Variants in BMP6 observed in about 807,000 individuals in gnomAD.
BMP6 encodes VG-1-R.
Under a neutral mutation model 54.1 loss-of-function variants are expected in BMP6, and 17 were observed. The ratio of observed to expected loss-of-function variants is 0.31; its 90% CI spans 0.22 to 0.47. The LOEUF is 0.47. Among genes scored for constraint, BMP6 ranks in the 20% least tolerant of loss-of-function variants. The pLI, the probability that BMP6 is intolerant of heterozygous loss-of-function variation, is 1.00. For synonymous variants in BMP6, 328 were observed against 291.2 expected, an observed-to-expected ratio of 1.13 and a Z score of -1.28; for missense variants, 720 against 690.4, an observed-to-expected ratio of 1.04 and a Z score of -0.48.
intron 1 of BMP6, among the ~76,000 whole-genome samples, chr6:7,778,724 G>C (rs1757897440): frequency 6.6e-6 from 1 of 152,216 alleles, no homozygotes; most frequent in Admixed American, 6.5e-5. Flanking sequence ...GAGTCTGTAT[G>C]AAGTGACTTC....
chr6:7,759,194 A>ATG (rs1383109379), intron 1 of BMP6, among the ~76,000 whole-genome samples: 1,569 of 152,224 alleles, frequency 0.01, 21 homozygotes, highest in African/African-American at 0.036. Context: ...CCTCATTACC[A>ATG]TATATGTATG....
intron 1 of BMP6, among the ~76,000 whole-genome samples, chr6:7,735,151 C>A (rs760052096): frequency 5.9e-5 from 9 of 152,254 alleles, no homozygotes; most frequent in African/African-American, 2.2e-4. Context: ...CCACCCTGAC[C>A]TCCGATATCC....
Position 7,732,288 on chromosome 6 carries a change from A to G in BMP6, c.664+4669A>G, listed in dbSNP as rs529119869. On this transcript the variant is annotated intron_variant, in intron 1 of 6. Transcript: ENST00000283147. ...AGAAGCAGTAGATGTTCTTCTAAAG[A>G]GATTACAAAGAGTAAATTTGAAATT... is the stretch of plus-strand genomic sequence containing the variant. 2.6e-5 allele frequency among the ~76,000 whole-genome samples: 4 copies of G among 152,346 alleles called. No individual in the cohort carries two copies. The East Asian group carries it at 5.8e-4, about 22-fold the overall frequency.
chr6:7,846,224 G>A (rs1239731398), intron 2 of BMP6, among the ~76,000 whole-genome samples: 3 of 152,144 alleles, frequency 2.0e-5, no homozygotes, highest in African/African-American at 7.2e-5. Flanking sequence ...AACATATGGG[G>A]GAGGGAACTC....
chr6:7,870,497 T>C (rs778241465), intron 4 of BMP6, among the ~76,000 whole-genome samples: 11 of 152,210 alleles, frequency 7.2e-5, no homozygotes, highest in Non-Finnish European at 1.3e-4. Flanking sequence ...TCTGCCCAAC[T>C]CTGTTCTCCT....
chr6:7,774,490 T>TG (rs1328058423), intron 1 of BMP6, among the ~76,000 whole-genome samples: 1 of 152,218 alleles, frequency 6.6e-6, no homozygotes, highest in East Asian at 1.9e-4. Context: ...AGGCAGAGGT[T>TG]GCAGTGAGCC....
At position 7,803,063 on chromosome 6, in the gene BMP6, G is replaced by A. The variant is rs115343636; in HGVS notation, c.665-42077G>A. 8.4e-3 allele frequency among the ~76,000 whole-genome samples: 1,286 copies of A among 152,272 alleles called. 30 individuals carry two copies. Among genetic ancestry groups the A allele is most frequent in the African/African-American group, 0.029 (1,218 of 41,550 alleles). On this transcript the variant is annotated intron_variant, in intron 1 of 6. Transcript: ENST00000283147. ...AAGAAAAACACTTGAAGTTGTGATG[G>A]GTGCTAGGAAGGAAGCCTGCAGAGG... is the stretch of plus-strand genomic sequence containing the variant.
At chr6:7,807,804 C>A (rs1437092504) in intron 1 of BMP6, among the ~76,000 whole-genome samples, 2 of 152,114 alleles carry the variant, frequency 1.3e-5, no homozygotes, top group African/African-American at 4.8e-5. Context: ...CCTTCCATTA[C>A]ACTTCAGGTA....
In BMP6 at chr6:7,727,193, CAGA is replaced by C. The variant is rs1561750230; in HGVS notation, c.241_243del (p.Lys81del). 2.5e-6 allele frequency: 4 copies of C among 1,603,578 alleles called. No individual in the cohort carries two copies. In the South Asian group the frequency reaches 3.3e-5, roughly 13 times the overall value. ...CAAGACGCAGGAGAAGCGGGAGATG[CAGA>C]AGGAGATCTTGTCGGTGCTGGGGCT... On this transcript the variant is annotated inframe_deletion, in exon 1 of 7. Coordinates refer to ENST00000283147, the MANE Select transcript of BMP6 (RefSeq NM_001718.6).
chr6:7,841,571 C>T (rs1018435180), intron 1 of BMP6, among the ~76,000 whole-genome samples: 8 of 152,042 alleles, frequency 5.3e-5, no homozygotes, highest in East Asian at 1.9e-4. Context: ...GTGGGGGGAA[C>T]GGAGGAGTTC....
chr6:7,763,324 T>C (rs1420065799), intron 1 of BMP6, among the ~76,000 whole-genome samples: 1 of 152,130 alleles, frequency 6.6e-6, no homozygotes, highest in Non-Finnish European at 1.5e-5. Context: ...AAAGTCATGG[T>C]AAAATTCTGT....
At chr6:7,730,502 A>C (rs1429291110) in intron 1 of BMP6, among the ~76,000 whole-genome samples, 1 of 152,142 alleles carries the variant, frequency 6.6e-6, no homozygotes, top group Non-Finnish European at 1.5e-5. Flanking sequence ...CTCTATACTG[A>C]TAGTGTGAAG....
At position 7,790,296 on chromosome 6, in the gene BMP6, C is replaced by G. The variant is rs539066347; in HGVS notation, c.665-54844C>G. On this transcript the variant is annotated intron_variant, in intron 1 of 6. Transcript: ENST00000283147. The stretch of plus-strand genomic sequence containing the variant: ...TTGGGATGCGGAAGCAGGCGGATCT[C>G]TTTAGTCCGGGAGTTTGAGACCAGC... 3.0e-3 allele frequency among the ~76,000 whole-genome samples: 458 copies of G among 152,200 alleles called. 4 individuals are homozygous for G. The highest frequency in any genetic ancestry group is 0.01 in the African/African-American group (422 of 41,498).
intron 1 of BMP6, among the ~76,000 whole-genome samples, chr6:7,763,342 C>G (rs896687537): frequency 6.6e-6 from 1 of 152,144 alleles, no homozygotes; most frequent in Non-Finnish European, 1.5e-5. Context: ...TGTGTTCTTA[C>G]AGAATGATGA....
At chr6:7,857,136 G>C (rs1759254430) in intron 2 of BMP6, among the ~76,000 whole-genome samples, 1 of 152,220 alleles carries the variant, frequency 6.6e-6, no homozygotes, top group Non-Finnish European at 1.5e-5. Flanking sequence ...CTTGGAGGCT[G>C]TGTGATGGGA....
chr6:7,808,408 G>T (rs763362555), intron 1 of BMP6, among the ~76,000 whole-genome samples: 42 of 152,120 alleles, frequency 2.8e-4, no homozygotes, highest in African/African-American at 9.2e-4. Context: ...GAGCCTCTTG[G>T]GGGGGCGATC....
At chr6:7,801,614 C>G (rs1424030469) in intron 1 of BMP6, among the ~76,000 whole-genome samples, 1 of 152,162 alleles carries the variant, frequency 6.6e-6, no homozygotes, top group Non-Finnish European at 1.5e-5. Flanking sequence ...AGAAGTCTGT[C>G]CAGATAATAG....
At chr6:7,776,049 T>G (rs931627983) in intron 1 of BMP6, among the ~76,000 whole-genome samples, 5 of 152,246 alleles carry the variant, frequency 3.3e-5, no homozygotes, top group African/African-American at 1.2e-4. Flanking sequence ...GTGCTTTTCT[T>G]TAATTAAAAC....
chr6:7,872,249 TGA>T (rs1251200807), intron 4 of BMP6, among the ~76,000 whole-genome samples: 1 of 146,444 alleles, frequency 6.8e-6, no homozygotes, highest in Non-Finnish European at 1.5e-5. Context: ...GCAGTGGGAG[TGA>T]GGGGAAAGTT....
Sources: gnomAD v4.1 joint callset for allele counts (sites outside exome capture counted in the v4.1 genomes callset) on GRCh38, gnomAD v4.1.1 for gene constraint, MANE v1.5 for transcripts, NCBI Gene and HGNC (gene_info 2026-07-23, HGNC 2026-07-21) for gene names.